Variants in EAPP observed in about 807,000 individuals in gnomAD.
The protein encoded by EAPP is E2F-associated phosphoprotein.
A neutral mutation model predicts 34.3 loss-of-function variants in EAPP; 38 were observed. That is an observed-to-expected ratio of 1.11 (90% confidence interval 0.85 to 1.45). The LOEUF (loss-of-function observed/expected upper bound fraction) is 1.45. EAPP is among the 40% of genes most tolerant of loss of function. EAPP has a pLI of 0.00. For synonymous variants in EAPP, 113 were observed against 117.6 expected, an observed-to-expected ratio of 0.96 and a Z score of 0.25; for missense variants, 338 against 343.7, an observed-to-expected ratio of 0.98 and a Z score of 0.13.
intron 4 of EAPP, among the ~76,000 whole-genome samples, chr14:34,525,264 T>A (rs1276925248): frequency 6.6e-6 from 1 of 152,150 alleles, no homozygotes; most frequent in Non-Finnish European, 1.5e-5. Flanking sequence ...TAAGTCTGGG[T>A]TGGACACAGT....
Position 34,524,585 on chromosome 14 carries a change from C to T in EAPP, c.581+112G>A, listed in dbSNP as rs552648920. The T allele has an allele frequency of 1.9e-5, 15 of 795,368 alleles. No homozygotes were observed. In the South Asian group the frequency reaches 2.4e-4, roughly 13 times the overall value. 49.3% of individuals were successfully genotyped at this position (795,368 alleles called of 1,614,324 possible). On this transcript the variant is annotated intron_variant, in intron 5 of 5. Transcript: ENST00000250454. ...GAGGCGAGATTGTGCCACTGCACTC[C>T]AGCCTGGGCAACAGAGTAAGACTCT...
At position 34,539,573 on chromosome 14, in the gene EAPP, T is replaced by C. The variant is rs200430872; in HGVS notation, c.56A>G (p.Glu19Gly). Reference protein sequence around the residue: ...DPYAVEEPSDEEPALSSSEDE... With the variant: ...DPYAVEEPSDGEPALSSSEDE... Reference sequence around the variant, plus strand: ...AGCCCACCTGCTCAAAGCCGGCTCCTCGTCGCTAGGCTCTTCAACCGCGTA... The same window carrying C: ...AGCCCACCTGCTCAAAGCCGGCTCCCCGTCGCTAGGCTCTTCAACCGCGTA... The change falls in exon 1 of 6, where the codon GAG becomes GGG. Residue 19 changes from glutamate to glycine, a missense_variant. Glu to Gly is a moderately conservative substitution (Grantham distance 98). Coordinates refer to ENST00000250454, the MANE Select transcript of EAPP (RefSeq NM_018453.4). The C allele has an allele frequency of 1.1e-5, 17 of 1,605,042 alleles. No homozygotes were observed. The Admixed American group carries it at 2.5e-4, about 24-fold the overall frequency.
rs542922359 is a variant in EAPP, at chr14:34,522,546, C to CT, written c.581+2150dup. On this transcript the variant is annotated intron_variant, in intron 5 of 5. Transcript: ENST00000250454. ...ATTTGTTCCAGTCTTCTCTGCTTTG[C>CT]TTTTTTTTGGTTATTAGATATGTTT... Among the ~76,000 whole-genome samples, 462 of 152,074 alleles carry CT rather than the reference C, an allele frequency of 3.0e-3. 3 individuals are homozygous for CT. Among genetic ancestry groups the CT allele is most frequent in the African/African-American group, 9.8e-3 (407 of 41,496 alleles).
At chr14:34,522,907 T>G (rs1056208384) in intron 5 of EAPP, among the ~76,000 whole-genome samples, 1 of 152,182 alleles carries the variant, frequency 6.6e-6, no homozygotes, top group African/African-American at 2.4e-5. Flanking sequence ...ACAGATCTCT[T>G]ACCAGAGAAC....
chr14:34,519,183 T>C (rs889791579), intron 5 of EAPP, among the ~76,000 whole-genome samples: 3 of 152,128 alleles, frequency 2.0e-5, no homozygotes, highest in Non-Finnish European at 2.9e-5. Context: ...CCTCTCTCTC[T>C]TCCTCTTGCT....
At chr14:34,539,530 G>A (rs1437947140) in intron 1 of EAPP, 25 bp downstream of exon 1, 2 of 1,603,486 alleles carry the variant, frequency 1.2e-6, no homozygotes, top group South Asian at 1.1e-5. Context: ...AAATCCTCGG[G>A]GGCCAGGGTG....
At chr14:34,535,519 G>A (rs1169862351) in intron 2 of EAPP, among the ~76,000 whole-genome samples, 12 of 146,536 alleles carry the variant, frequency 8.2e-5, no homozygotes, top group African/African-American at 2.8e-4. Context: ...TGCAAGCTCC[G>A]TCTCCTGGGT....
intron 2 of EAPP, among the ~76,000 whole-genome samples, chr14:34,535,437 A>AT (rs71121207): frequency 9.6e-5 from 13 of 135,288 alleles, no homozygotes; most frequent in Admixed American, 1.5e-4. Flanking sequence ...GTCGCTACAG[A>AT]TTTTTTTTTT....
intron 5 of EAPP, among the ~76,000 whole-genome samples, chr14:34,519,044 A>C (rs1879828443): frequency 6.6e-6 from 1 of 152,138 alleles, no homozygotes; most frequent in Non-Finnish European, 1.5e-5. Flanking sequence ...GTCAAATTGT[A>C]ATCTCCAATG....
intron 1 of EAPP, 194 bp downstream of exon 1, chr14:34,539,361 G>T (rs964445453): frequency 5.7e-6 from 4 of 706,054 alleles, no homozygotes; most frequent in Middle Eastern, 2.3e-4. Flanking sequence ...CTTCCTACAG[G>T]CGACATCGGC....
chr14:34,520,079 G>T (rs1879867620), intron 5 of EAPP, among the ~76,000 whole-genome samples: 1 of 151,748 alleles, frequency 6.6e-6, no homozygotes, highest in African/African-American at 2.4e-5. Context: ...TAGAGATGGG[G>T]TTTCACCATG....
rs1415648971 is a variant in EAPP at position 34,523,514 on chromosome 14, C to T, written c.581+1183G>A. On this transcript the variant is annotated intron_variant, in intron 5 of 5. Transcript: ENST00000250454. ...TGCTGGGATTACAGGCGTGAGCCAC[C>T]ACGCCCAGCCCGTTTTTTTTTTTTT... is the stretch of plus-strand genomic sequence containing the variant. Among the ~76,000 whole-genome samples, 9 of 147,826 alleles carry T rather than the reference C, an allele frequency of 6.1e-5. 1 individual carries two copies. The highest frequency in any genetic ancestry group is 1.2e-4 in the African/African-American group (5 of 40,044).
chr14:34,536,710 G>C (rs1880490263), intron 1 of EAPP, among the ~76,000 whole-genome samples: 2 of 151,408 alleles, frequency 1.3e-5, no homozygotes, highest in African/African-American at 4.9e-5. Context: ...TTTTTTGTTT[G>C]TTTGTTTGTT....
In EAPP at chr14:34,516,330, C is replaced by T; in HGVS notation, c.838G>A (p.Val280Ile). The T allele has an allele frequency of 6.2e-7, 1 of 1,612,026 alleles. No homozygotes were observed. The highest frequency in any genetic ancestry group is 8.5e-7 in the Non-Finnish European group (1 of 1,178,792). ...DKDEVFHFFNVLASHS is the reference protein window; with the variant it reads ...DKDEVFHFFNILASHS Reference sequence around the variant, plus strand: ...GCTGTTTAGGAATGGCTTGCTAAAACATTGAAAAAATGAAAGACTTCATCC... The same window carrying T: ...GCTGTTTAGGAATGGCTTGCTAAAATATTGAAAAAATGAAAGACTTCATCC... The change falls in exon 6 of 6, where the codon GTT becomes ATT. Residue 280 changes from valine to isoleucine, a missense_variant. Coordinates refer to ENST00000250454, the MANE Select transcript of EAPP (RefSeq NM_018453.4).
rs535505109 is a variant in EAPP, at chr14:34,525,470, T to C, written c.471-663A>G. ...TGTTCTTACTTATAAAAATCCATAA[T>C]CCCATCCTAATTATGAGAAAAAACA... On this transcript the variant is annotated intron_variant, in intron 4 of 5. Coordinates refer to ENST00000250454, the MANE Select transcript of EAPP (RefSeq NM_018453.4). Among the ~76,000 whole-genome samples, 6 of 152,102 alleles carry C rather than the reference T, an allele frequency of 3.9e-5. No homozygotes were observed. The South Asian group carries it at 6.2e-4, about 16-fold the overall frequency.
At chr14:34,535,135 CTTT>C (rs35642543) in intron 2 of EAPP, among the ~76,000 whole-genome samples, 1 of 138,822 alleles carries the variant, frequency 7.2e-6, no homozygotes. Context: ...CACGCCTGGC[CTTT>C]TTTTTTTTTG....
intron 3 of EAPP, among the ~76,000 whole-genome samples, chr14:34,533,129 G>C (rs1415213141): frequency 6.6e-6 from 1 of 152,034 alleles, no homozygotes; most frequent in African/African-American, 2.4e-5. Context: ...CCGCCTCCTG[G>C]GTTCAACTGA....
At chr14:34,539,437 C>T in intron 1 of EAPP, 118 bp downstream of exon 1, 3 of 1,142,342 alleles carry the variant, frequency 2.6e-6, no homozygotes, top group Non-Finnish European at 3.9e-6. Flanking sequence ...AAGTAACAGG[C>T]ACGACAGGCT....
At chr14:34,538,692 C>T (rs943066358) in intron 1 of EAPP, among the ~76,000 whole-genome samples, 1 of 152,086 alleles carries the variant, frequency 6.6e-6, no homozygotes, top group African/African-American at 2.4e-5. Context: ...CCTGGGATTA[C>T]AGGCATGGGC....
Sources: gnomAD v4.1 joint callset for allele counts (sites outside exome capture counted in the v4.1 genomes callset) on GRCh38, gnomAD v4.1.1 for gene constraint, MANE v1.5 for transcripts, NCBI Gene and HGNC (gene_info 2026-07-23, HGNC 2026-07-21) for gene names.